Variants in CRACD observed in about 807,000 individuals in gnomAD.
CRACD encodes the protein capping protein inhibiting regulator of actin dynamics.
CRACD carries 56 observed loss-of-function variants against 106.8 expected under a neutral mutation model. That is an observed-to-expected ratio of 0.52 (90% confidence interval 0.42 to 0.66). The LOEUF (loss-of-function observed/expected upper bound fraction) is 0.66. CRACD is among the 30% of genes least tolerant of loss of function. CRACD has a pLI of 0.00. For missense variants in CRACD, 1,730 were observed against 1,623.2 expected, an observed-to-expected ratio of 1.07 and a Z score of -1.13; for synonymous variants, 754 against 670.8, an observed-to-expected ratio of 1.12 and a Z score of -1.92.
At chr4:56,240,188 G>A (rs1266075665) in intron 2 of CRACD, among the ~76,000 whole-genome samples, 2 of 151,904 alleles carry the variant, frequency 1.3e-5, no homozygotes, top group Admixed American at 6.6e-5. Context: ...ATAATAAATG[G>A]CATTATTTCC....
chr4:56,236,516 C>G (rs1481139792), intron 2 of CRACD, among the ~76,000 whole-genome samples: 14 of 152,112 alleles, frequency 9.2e-5, no homozygotes, highest in Non-Finnish European at 2.1e-4. Context: ...GGACTAGGCA[C>G]TAACCAGTCA....
chr4:56,202,529 G>A (rs1355672339), intron 2 of CRACD, among the ~76,000 whole-genome samples: 1 of 152,158 alleles, frequency 6.6e-6, no homozygotes, highest in East Asian at 1.9e-4. Flanking sequence ...TTACAGGTGT[G>A]AGCCACCGCG....
chr4:56,314,030 C>T lies in CRACD; in HGVS notation c.538-10C>T, dbSNP rs749231343. On this transcript the variant is annotated splice_polypyrimidine_tract_variant and intron_variant, in intron 7 of 10. Coordinates refer to ENST00000682029, the MANE Select transcript of CRACD (RefSeq NM_001393381.1). This position sits in a 1 kb window ranked among gnomAD's most constrained non-coding sequence, Gnocchi z 4.4. ...CAAAAGGCTAATTGTGTTTTCCTTTCCAATGTTAGGATCCACAACATGAGC... is the reference window on the plus strand; with the variant it reads ...CAAAAGGCTAATTGTGTTTTCCTTTTCAATGTTAGGATCCACAACATGAGC... 1.2e-6 allele frequency: 2 copies of T among 1,608,210 alleles called. No homozygotes were observed. The highest frequency in any genetic ancestry group is 1.1e-5 in the South Asian group (1 of 90,760).
At chr4:56,321,448 TG>T (rs1483777633) in intron 8 of CRACD, 1 of 152,356 alleles carries the variant, frequency 6.6e-6, no homozygotes, top group African/African-American at 2.4e-5. Flanking sequence ...TCTAAGTTGT[TG>T]GCAGGAAACT....
At chr4:56,293,273 A>G (rs1346819542) in intron 3 of CRACD, among the ~76,000 whole-genome samples, 6 of 152,220 alleles carry the variant, frequency 3.9e-5, no homozygotes, top group Non-Finnish European at 2.9e-5. Flanking sequence ...AATGGGGCAC[A>G]ACAGTATTTA....
intron 2 of CRACD, among the ~76,000 whole-genome samples, chr4:56,187,215 G>A (rs1737127262): frequency 6.6e-6 from 1 of 152,172 alleles, no homozygotes; most frequent in African/African-American, 2.4e-5. Context: ...CGGGTGAAGT[G>A]TGATTAGTGA....
intron 2 of CRACD, among the ~76,000 whole-genome samples, chr4:56,204,897 T>G (rs1009765669): frequency 7.2e-5 from 11 of 152,280 alleles, no homozygotes; most frequent in Non-Finnish European, 1.2e-4. Flanking sequence ...CAGTGGCTCA[T>G]GCCTGTAATC....
chr4:56,266,845 T>C (rs1176007446), intron 2 of CRACD, among the ~76,000 whole-genome samples: 3 of 152,220 alleles, frequency 2.0e-5, no homozygotes, highest in Non-Finnish European at 4.4e-5. Context: ...TTCATAATGG[T>C]CATGCAACAT....
chr4:56,309,155 G>A, intron 5 of CRACD: 1 of 383,634 alleles, frequency 2.6e-6, no homozygotes, highest in South Asian at 1.9e-5. Context: ...GGTGAGGAGT[G>A]TAGCAGGACC....
intron 1 of CRACD, among the ~76,000 whole-genome samples, chr4:56,149,162 A>C (rs924306282): frequency 6.6e-5 from 10 of 152,118 alleles, no homozygotes; most frequent in African/African-American, 2.4e-4. Context: ...TATTCTGTCC[A>C]TGGCAAGAAT....
intron 3 of CRACD, among the ~76,000 whole-genome samples, chr4:56,286,312 G>A (rs1743337319): frequency 6.6e-6 from 1 of 151,362 alleles, no homozygotes; most frequent in Non-Finnish European, 1.5e-5. Context: ...AGAATCTCTG[G>A]AACCCCAGAG....
chr4:56,307,441 G>A, intron 4 of CRACD, 94 bp from the exon 5 acceptor site: 3 of 1,181,604 alleles, frequency 2.5e-6, no homozygotes, highest in Admixed American at 3.9e-5. Flanking sequence ...CACAAGGTAT[G>A]CCTCAGTGCT....
intron 2 of CRACD, among the ~76,000 whole-genome samples, chr4:56,203,820 TCAC>T (rs902162859): frequency 4.6e-5 from 7 of 152,172 alleles, no homozygotes; most frequent in African/African-American, 1.7e-4. Flanking sequence ...AAGTAACCTA[TCAC>T]CAAGAACAGG....
chr4:56,283,247 C>A (rs1279990346), intron 3 of CRACD, among the ~76,000 whole-genome samples: 1 of 152,120 alleles, frequency 6.6e-6, no homozygotes, highest in Non-Finnish European at 1.5e-5. Flanking sequence ...GAAGTAGAAT[C>A]ACAATACAGG....
intron 2 of CRACD, among the ~76,000 whole-genome samples, chr4:56,215,348 C>T (rs530699798): frequency 6.6e-6 from 1 of 152,252 alleles, no homozygotes. Flanking sequence ...ACACTAATCC[C>T]ATCCATGAGA....
At chr4:56,123,383 G>T (rs1476956327) in intron 1 of CRACD, among the ~76,000 whole-genome samples, 4 of 152,192 alleles carry the variant, frequency 2.6e-5, no homozygotes, top group Non-Finnish European at 4.4e-5. Context: ...CTTGCAGAAG[G>T]CTGCCTTCTC....
intron 1 of CRACD, among the ~76,000 whole-genome samples, chr4:56,059,720 G>T (rs1288587546): frequency 6.6e-6 from 1 of 152,138 alleles, no homozygotes; most frequent in East Asian, 1.9e-4. Flanking sequence ...TTCTCACTCT[G>T]TTGCCCAGGC....
chr4:56,314,980 A>C lies in CRACD; in HGVS notation c.1478A>C (p.Lys493Thr), dbSNP rs1426766847. The change falls in exon 8 of 11, where the codon AAA becomes ACA. Residue 493 changes from lysine (K) to threonine (T), a missense_variant. By Grantham distance (78) the Lys-to-Thr change is moderately conservative. Around this residue, in one of 5 missense-constraint regions of CRACD, gnomAD observed 1,620 missense variants for 1,481.6 expected, o/e 1.09. Coordinates refer to ENST00000682029, the MANE Select transcript of CRACD (RefSeq NM_001393381.1). This position sits in a 1 kb window ranked among gnomAD's most constrained non-coding sequence, Gnocchi z 4.4. ...REEGDTEPLLKQEGPVEAAQP... is the reference protein window; with the variant it reads ...REEGDTEPLLTQEGPVEAAQP... ...GAAGGGGACACGGAGCCTCTCCTGAAACAAGAGGGGCCGGTGGAAGCCGCG... is the reference window on the plus strand; with the variant it reads ...GAAGGGGACACGGAGCCTCTCCTGACACAAGAGGGGCCGGTGGAAGCCGCG... 5 of 1,587,994 alleles carry C rather than the reference A, an allele frequency of 3.1e-6. No homozygotes were observed. Among genetic ancestry groups the C allele is most frequent in the Non-Finnish European group, 4.3e-6 (5 of 1,168,598 alleles).
At chr4:56,256,031 C>T (rs1741334082) in intron 2 of CRACD, among the ~76,000 whole-genome samples, 1 of 152,078 alleles carries the variant, frequency 6.6e-6, no homozygotes, top group Admixed American at 6.6e-5. Context: ...TTGGCTGGCC[C>T]CTATAGGTGA....
Sources: allele counts gnomAD v4.1 joint callset (sites outside exome capture counted in the v4.1 genomes callset), GRCh38; gene constraint gnomAD v4.1.1; regional missense constraint gnomAD v4.1.1; non-coding constraint Gnocchi (gnomAD v3.1); transcripts MANE v1.5; gene names NCBI Gene and HGNC (gene_info 2026-07-23, HGNC 2026-07-21).